The following GOLPH3L variants were observed in gnomAD, a reference collection of about 807,000 sequenced individuals.
GOLPH3L encodes the protein Golgi phosphoprotein 3-like.
In GOLPH3L, 22 loss-of-function variants were observed where a neutral mutation model predicts 30.3. The ratio of observed to expected loss-of-function variants is 0.73; its 90% CI spans 0.52 to 1.04. The LOEUF is 1.04. Among genes scored for constraint, GOLPH3L ranks in the 50% least tolerant of loss-of-function variants. The pLI is 0.00. For missense variants in GOLPH3L, 303 were observed against 345.8 expected (o/e 0.88, Z 0.98); for synonymous variants, 120 against 128.2 (o/e 0.94, Z 0.43).
chr1:150,691,674 A>C (rs925061744), intron 2 of GOLPH3L, among the ~76,000 whole-genome samples: 2 of 152,132 alleles, frequency 1.3e-5, no homozygotes, highest in Non-Finnish European at 2.9e-5. Flanking sequence ...CTATTCTAAA[A>C]ACTATAGTAA....
chr1:150,694,225 C>A, intron 2 of GOLPH3L: 1 of 400,842 alleles, frequency 2.5e-6, no homozygotes. Flanking sequence ...TATAAGAAAC[C>A]TACCAATTGT....
At chr1:150,694,211 CTGCTA>C (rs1455296785) in intron 2 of GOLPH3L, 7 of 427,102 alleles carry the variant, frequency 1.6e-5, no homozygotes, top group Admixed American at 1.4e-4. Flanking sequence ...AAAATTATTT[CTGCTA>C]TAAGAAACCT....
intron 4 of GOLPH3L, among the ~76,000 whole-genome samples, chr1:150,656,086 TA>T (rs1310465611): frequency 6.6e-6 from 1 of 152,226 alleles, no homozygotes; most frequent in African/African-American, 2.4e-5. Context: ...AACCTACTCG[TA>T]AAAAATTTTC....
rs1650781041 is a variant in GOLPH3L at position 150,676,523 on chromosome 1, T to A, written c.184-12760A>T. Among the ~76,000 whole-genome samples the A allele has an allele frequency of 2.0e-5, 3 of 151,958 alleles. No individual in the cohort carries two copies. The South Asian group carries it at 6.2e-4, about 32-fold the overall frequency. On this transcript the variant is annotated intron_variant, in intron 2 of 4. Transcript: ENST00000271732. Reference sequence around the variant, plus strand: ...ATACCTAAAACAACCCAATAAGAACTCCAGTAAGCCTTCATATTCCATCAA... The same window carrying A: ...ATACCTAAAACAACCCAATAAGAACACCAGTAAGCCTTCATATTCCATCAA...
rs986237428 is a variant in GOLPH3L at position 150,665,208 on chromosome 1, G to T, written c.184-1445C>A. 4.6e-5 allele frequency among the ~76,000 whole-genome samples: 7 copies of T among 152,212 alleles called. No homozygotes were observed. The East Asian group carries it at 1.2e-3, about 25-fold the overall frequency. ...CACACATTAAAGATGAGAAAACTAAGGCTTACAGAGGTTATACAGCATAAC... is the reference window on the plus strand; with the variant it reads ...CACACATTAAAGATGAGAAAACTAATGCTTACAGAGGTTATACAGCATAAC... On this transcript the variant is annotated intron_variant, in intron 2 of 4. Coordinates refer to ENST00000271732, the MANE Select transcript of GOLPH3L (RefSeq NM_018178.6).
At chr1:150,677,958 T>C (rs1650853927) in intron 2 of GOLPH3L, among the ~76,000 whole-genome samples, 2 of 151,740 alleles carry the variant, frequency 1.3e-5, no homozygotes, top group Admixed American at 1.3e-4. Flanking sequence ...AGATATGTCA[T>C]GATGTTGGCT....
At chr1:150,683,699 CAAAAAAAAAAAAAAA>C (rs397981524) in intron 2 of GOLPH3L, among the ~76,000 whole-genome samples, 46 of 14,966 alleles carry the variant, frequency 3.1e-3, no homozygotes, top group Admixed American at 0.015. Context: ...GACTCTCTCT[CAAAAAAAAAAAAAAA>C]AAAAAAAAAA....
intron 2 of GOLPH3L, among the ~76,000 whole-genome samples, chr1:150,684,902 A>G (rs1651047621): frequency 6.6e-6 from 1 of 152,128 alleles, no homozygotes; most frequent in African/African-American, 2.4e-5. Context: ...TCCTGACCTC[A>G]GGTGATCCAC....
At chr1:150,675,958 C>T (rs1391881953) in intron 2 of GOLPH3L, among the ~76,000 whole-genome samples, 1 of 139,124 alleles carries the variant, frequency 7.2e-6, no homozygotes, top group Admixed American at 7.1e-5. Context: ...TTGAACTCCT[C>T]CCTCCCTCCC....
chr1:150,657,925 T>G (rs12031458), intron 4 of GOLPH3L, among the ~76,000 whole-genome samples: 11,294 of 152,268 alleles, frequency 0.074, 588 homozygotes, highest in East Asian at 0.18. Flanking sequence ...CTGAACAGCA[T>G]CTAACCAGCT....
intron 2 of GOLPH3L, among the ~76,000 whole-genome samples, chr1:150,684,112 T>C (rs984672593): frequency 1.3e-5 from 2 of 152,112 alleles, no homozygotes; most frequent in Non-Finnish European, 2.9e-5. Context: ...GGCATTTGCA[T>C]AGAGGACACA....
intron 2 of GOLPH3L, 22 bp from the exon 3 acceptor site, chr1:150,663,785 G>C: frequency 1.9e-6 from 3 of 1,607,256 alleles, no homozygotes; most frequent in Non-Finnish European, 2.6e-6. Context: ...GAAAAGAGAA[G>C]AGAAAGAATG....
rs587729534 is a variant in GOLPH3L at position 150,655,650 on chromosome 1, G to A, written c.430+6164C>T. Among the ~76,000 whole-genome samples, 6 of 152,266 alleles carry A rather than the reference G, an allele frequency of 3.9e-5. No homozygotes were observed. In the East Asian group the frequency reaches 9.6e-4, roughly 24 times the overall value. ...ACAGATAAGCCAATTTGGATAGAAC[G>A]ATGGCCACTAAGTAAAGAGAAACTA... On this transcript the variant is annotated intron_variant, in intron 4 of 4. Transcript: ENST00000271732.
chr1:150,673,583 C>CA (rs1418246704), intron 2 of GOLPH3L, among the ~76,000 whole-genome samples: 6 of 150,106 alleles, frequency 4.0e-5, no homozygotes, highest in Non-Finnish European at 3.0e-5. Context: ...CAAAACAAAA[C>CA]AAAAAACAAA....
intron 4 of GOLPH3L, 94 bp from the exon 5 acceptor site, chr1:150,648,842 A>T: frequency 1.3e-6 from 1 of 756,040 alleles, no homozygotes; most frequent in South Asian, 1.7e-5. Flanking sequence ...TAAAATGTTT[A>T]AAAGCATAAT....
chr1:150,696,082 C>G (rs754425440), intron 1 of GOLPH3L, among the ~76,000 whole-genome samples: 9 of 151,946 alleles, frequency 5.9e-5, no homozygotes, highest in Non-Finnish European at 1.0e-4. Context: ...AAAGGAGTAT[C>G]TTTTTCAAGA....
intron 2 of GOLPH3L, among the ~76,000 whole-genome samples, chr1:150,687,611 A>G (rs954019088): frequency 6.6e-6 from 1 of 151,840 alleles, no homozygotes; most frequent in African/African-American, 2.4e-5. Context: ...TGATTAGTGA[A>G]TTTTTTTTAC....
rs1184578342 is a variant in GOLPH3L at position 150,694,780 on chromosome 1, T to G, written c.59A>C (p.Lys20Thr). ...ATTACTGTCTTCCTCACTTTCCATC[T>G]TCTTTTCAGAGTTCTTGCTTATTTC... Reference protein sequence around the residue: ...RTEISKNSEKKMESEEDSNWE... With the variant: ...RTEISKNSEKTMESEEDSNWE... Residue 20 changes from lysine (K) to threonine (T), a missense_variant, in exon 2 of 5, where the codon AAG (lysine) becomes ACG (threonine). Physicochemically the swap from Lys to Thr is moderately conservative, Grantham distance 78 (BLOSUM62 -1). Transcript: ENST00000271732. The G allele has an allele frequency of 6.2e-7, 1 of 1,613,236 alleles. No individual in the cohort carries two copies. Among genetic ancestry groups the G allele is most frequent in the Non-Finnish European group, 8.5e-7 (1 of 1,179,326 alleles).
chr1:150,694,871 A>G, intron 1 of GOLPH3L, 21 bp from the exon 2 acceptor site: 1 of 1,401,860 alleles, frequency 7.1e-7, no homozygotes, highest in Non-Finnish European at 9.8e-7. Flanking sequence ...TGGTGAAAAA[A>G]AAAATCCATA....
Sources: allele counts gnomAD v4.1 joint callset (sites outside exome capture counted in the v4.1 genomes callset), GRCh38; gene constraint gnomAD v4.1.1; transcripts MANE v1.5; gene names NCBI Gene and HGNC (gene_info 2026-07-23, HGNC 2026-07-21).